ADAM12: variants seen among roughly 807,000 people sequenced by gnomAD.
ADAM12 encodes the protein disintegrin and metalloproteinase domain-containing protein 12.
A neutral mutation model predicts 106.4 loss-of-function variants in ADAM12; 70 were observed. The ratio of observed to expected loss-of-function variants is 0.66; its 90% CI spans 0.54 to 0.80. ADAM12 has a LOEUF of 0.80. Ranked by LOEUF, ADAM12 falls within the 30% of genes least tolerant of loss-of-function variation. The probability of loss-of-function intolerance (pLI) is 0.00; values close to 1 mark genes in which losing one functional copy is unlikely to be tolerated. For synonymous variants in ADAM12, 420 were observed against 433.5 expected (o/e 0.97, Z 0.39); for missense variants, 1,010 against 1,171.9 (o/e 0.86, Z 2.02).
At chr10:126,249,341 T>C (rs1958697537) in intron 3 of ADAM12, among the ~76,000 whole-genome samples, 1 of 152,120 alleles carries the variant, frequency 6.6e-6, no homozygotes, top group South Asian at 2.1e-4. Context: ...TTGGTGGTGA[T>C]GGGGAGTGCA....
In ADAM12 at chr10:126,015,934, G is replaced by T. The variant is rs1053158221; in HGVS notation, c.*1345C>A. On this transcript the variant is annotated 3_prime_UTR_variant, in exon 23 of 23. Transcript: ENST00000448723. The stretch of plus-strand genomic sequence containing the variant: ...TAGTCAGGCATTTGAAGAGTGAAGA[G>T]TTCAAGGGGATGCTGCCCAAGCCAG... The T allele has an allele frequency of 6.6e-6, 1 of 152,296 alleles. No individual in the cohort carries two copies. The highest frequency in any genetic ancestry group is 2.1e-4 in the South Asian group (1 of 4,828). 9.4% of individuals were successfully genotyped at this position (152,296 alleles called of 1,614,324 possible). A position where few individuals can be genotyped will look rare whatever the true frequency, so the allele number is the denominator to read the frequency against.
At chr10:126,380,376 T>C in intron 1 of ADAM12, among the ~76,000 whole-genome samples, 1 of 152,204 alleles carries the variant, frequency 6.6e-6, no homozygotes, top group Admixed American at 6.5e-5. Context: ...ATGGCAAAGA[T>C]AGGTTATGAA....
chr10:126,208,772 C>A (rs1174652244), intron 3 of ADAM12, among the ~76,000 whole-genome samples: 2 of 152,066 alleles, frequency 1.3e-5, no homozygotes, highest in Non-Finnish European at 2.9e-5. Flanking sequence ...TGCTATGAAG[C>A]CCAATGGAGT....
At chr10:126,020,956 G>GCACT (rs1309663739) in intron 21 of ADAM12, among the ~76,000 whole-genome samples, 1 of 135,342 alleles carries the variant, frequency 7.4e-6, no homozygotes, top group African/African-American at 2.8e-5. Flanking sequence ...TCGTGCCACT[G>GCACT]CACTCCAGCC....
chr10:126,374,760 T>C (rs182454517), intron 1 of ADAM12, among the ~76,000 whole-genome samples: 2 of 152,312 alleles, frequency 1.3e-5, no homozygotes, highest in African/African-American at 2.4e-5. Flanking sequence ...AAGGAAGTGA[T>C]GAAGCAAAAA....
chr10:126,101,741 C>T (rs376694733), intron 8 of ADAM12, among the ~76,000 whole-genome samples: 63 of 152,314 alleles, frequency 4.1e-4, no homozygotes, highest in African/African-American at 1.5e-3. Context: ...CTGGCTAACA[C>T]TATCATATTC....
intron 1 of ADAM12, among the ~76,000 whole-genome samples, chr10:126,375,997 C>A (rs1282507609): frequency 3.3e-5 from 5 of 151,680 alleles, no homozygotes; most frequent in African/African-American, 1.2e-4. Flanking sequence ...CTCCCCACCC[C>A]CCAGCCTCTC....
At chr10:126,248,304 G>GC (rs1283999319) in intron 3 of ADAM12, among the ~76,000 whole-genome samples, 1 of 152,072 alleles carries the variant, frequency 6.6e-6, no homozygotes, top group Non-Finnish European at 1.5e-5. Context: ...AACTTGCAAG[G>GC]CCCCCGCCCC....
In ADAM12 at chr10:126,047,729, G is replaced by C. The variant is rs1206882694; in HGVS notation, c.1917+1524C>G. Reference sequence around the variant, plus strand: ...ATTAGTTCAACCATTGTGGAAAACAGTGCAGTCGTTCCTCAAAGGCCTAAA... The same window carrying C: ...ATTAGTTCAACCATTGTGGAAAACACTGCAGTCGTTCCTCAAAGGCCTAAA... On this transcript the variant is annotated intron_variant, in intron 16 of 22. Transcript: ENST00000448723. Among the ~76,000 whole-genome samples, 3 of 152,346 alleles carry C rather than the reference G, an allele frequency of 2.0e-5. No individual in the cohort carries two copies. In the East Asian group the frequency reaches 5.8e-4, roughly 29 times the overall value.
intron 4 of ADAM12, among the ~76,000 whole-genome samples, chr10:126,142,086 T>C (rs1565090628): frequency 1.3e-5 from 2 of 152,206 alleles, no homozygotes; most frequent in Non-Finnish European, 2.9e-5. Context: ...CTTCCCTCCA[T>C]ACCTGGCTGT....
intron 4 of ADAM12, among the ~76,000 whole-genome samples, chr10:126,139,672 T>G: frequency 2.7e-5 from 4 of 147,816 alleles, no homozygotes; most frequent in South Asian, 2.1e-4. Flanking sequence ...CATCCAGGGG[T>G]GGGGTTAGTT....
intron 22 of ADAM12, among the ~76,000 whole-genome samples, chr10:126,017,713 G>A (rs761239750): frequency 6.6e-6 from 1 of 152,122 alleles, no homozygotes; most frequent in Non-Finnish European, 1.5e-5. Context: ...GACATTTTAG[G>A]GTACTAAGTC....
intron 3 of ADAM12, among the ~76,000 whole-genome samples, chr10:126,225,512 G>A (rs1485257624): frequency 6.6e-6 from 1 of 152,178 alleles, no homozygotes; most frequent in Non-Finnish European, 1.5e-5. Flanking sequence ...CGATCATTTG[G>A]AAAATCGGTT....
intron 3 of ADAM12, among the ~76,000 whole-genome samples, chr10:126,201,596 C>A (rs545445845): frequency 5.1e-4 from 77 of 152,192 alleles, no homozygotes; most frequent in African/African-American, 1.8e-3. Context: ...TGTTTGAAGC[C>A]ACTCAGTTTG....
chr10:126,165,247 G>A (rs778360835), intron 3 of ADAM12, among the ~76,000 whole-genome samples: 12 of 151,990 alleles, frequency 7.9e-5, no homozygotes, highest in Non-Finnish European at 1.2e-4. Context: ...GGCTCACTGC[G>A]ACATCTACCT....
chr10:126,216,658 C>T (rs531452347), intron 3 of ADAM12, among the ~76,000 whole-genome samples: 3 of 152,214 alleles, frequency 2.0e-5, no homozygotes, highest in Admixed American at 2.0e-4. Flanking sequence ...TCCGACGCAT[C>T]CTTTATTAAT....
chr10:126,379,200 C>T (rs1416911820), intron 1 of ADAM12, among the ~76,000 whole-genome samples: 1 of 152,142 alleles, frequency 6.6e-6, no homozygotes, highest in Non-Finnish European at 1.5e-5. Context: ...GGTATATACC[C>T]AAAGGATTAT....
intron 1 of ADAM12, among the ~76,000 whole-genome samples, chr10:126,365,070 C>A (rs1289457039): frequency 1.3e-5 from 2 of 152,140 alleles, no homozygotes; most frequent in African/African-American, 2.4e-5. Flanking sequence ...AGGGATATGA[C>A]CCTGTTGGGC....
chr10:126,235,567 G>C (rs1305067183), intron 3 of ADAM12, among the ~76,000 whole-genome samples: 2 of 152,058 alleles, frequency 1.3e-5, no homozygotes, highest in Non-Finnish European at 2.9e-5. Context: ...AGGCGGGCTC[G>C]AGCTATCTCA....
Sources: gnomAD v4.1 joint callset for allele counts (sites outside exome capture counted in the v4.1 genomes callset) on GRCh38, gnomAD v4.1.1 for gene constraint, MANE v1.5 for transcripts, NCBI Gene and HGNC (gene_info 2026-07-23, HGNC 2026-07-21) for gene names.